SLCO4A1: variants seen among roughly 807,000 people sequenced by gnomAD.
The protein encoded by SLCO4A1 is solute carrier organic anion transporter family member 4A1.
A neutral mutation model predicts 64.6 loss-of-function variants in SLCO4A1; 51 were observed. The ratio of observed to expected loss-of-function variants is 0.79; its 90% CI spans 0.63 to 1.00. The LOEUF is 1.00. Ranked by LOEUF, SLCO4A1 falls within the 50% of genes least tolerant of loss-of-function variation. The probability of loss-of-function intolerance (pLI) is 0.00; values close to 1 mark genes in which losing one functional copy is unlikely to be tolerated. For synonymous variants in SLCO4A1, 471 were observed against 444.9 expected (o/e 1.06, Z -0.74); for missense variants, 919 against 980.5 (o/e 0.94, Z 0.84).
At chr20:62,651,750 CTT>C (rs1453772699) in intron 1 of SLCO4A1, 1 of 152,236 alleles carries the variant, frequency 6.6e-6, no homozygotes, top group Non-Finnish European at 1.5e-5. Flanking sequence ...GGTCACGAAA[CTT>C]AGCAATCTGG....
At chr20:62,647,605 C>T (rs1221827350) in intron 1 of SLCO4A1, among the ~76,000 whole-genome samples, 1 of 152,264 alleles carries the variant, frequency 6.6e-6, no homozygotes, top group African/African-American at 2.4e-5. Flanking sequence ...GGCTGGCAAG[C>T]TTAAAATAGT....
At chr20:62,675,622 T>C (rs549705503), downstream of SLCO4A1, among the ~76,000 whole-genome samples, 23 of 152,312 alleles carry the variant, frequency 1.5e-4, no homozygotes, top group African/African-American at 5.5e-4. Flanking sequence ...TGACCCAGCC[T>C]CTGTGTGACT....
intron 1 of SLCO4A1, among the ~76,000 whole-genome samples, chr20:62,643,532 C>T (rs1980783095): frequency 6.6e-6 from 1 of 152,270 alleles, no homozygotes; most frequent in South Asian, 2.1e-4. Context: ...CCTGGCTATG[C>T]GTCCTGTTTC....
chr20:62,672,214 T>C lies in SLCO4A1; in HGVS notation c.*321T>C, dbSNP rs1055196. 731,277 of 1,274,070 alleles carry C rather than the reference T, an allele frequency of 0.57. 213,823 individuals carry two copies. Among genetic ancestry groups the C allele is most frequent in the African/African-American group, 0.86 (56,742 of 66,184 alleles). 78.9% of individuals were successfully genotyped at this position (1,274,070 alleles called of 1,614,324 possible). On this transcript the variant is annotated 3_prime_UTR_variant, in exon 12 of 12. Coordinates refer to ENST00000217159, the MANE Select transcript of SLCO4A1 (RefSeq NM_016354.4). ...GCTGTGAATCCCACTGGGAGGGCGG[T>C]GGGCCTGCAGCCTGAGGAAGGCTTG...
chr20:62,655,989 G>A (rs1362165987), intron 1 of SLCO4A1, among the ~76,000 whole-genome samples: 10 of 152,310 alleles, frequency 6.6e-5, no homozygotes, highest in Non-Finnish European at 1.2e-4. Flanking sequence ...TGTCTGACTC[G>A]GCCTCTGCGT....
downstream of SLCO4A1, among the ~76,000 whole-genome samples, chr20:62,687,483 C>T (rs16983165): frequency 1.3e-5 from 2 of 152,340 alleles, no homozygotes; most frequent in East Asian, 1.9e-4. Context: ...TGCAGAGACA[C>T]GTCCTTCCAC....
downstream of SLCO4A1, among the ~76,000 whole-genome samples, chr20:62,687,391 G>C (rs532527034): frequency 1.7e-4 from 26 of 152,252 alleles, no homozygotes; most frequent in Non-Finnish European, 3.1e-4. Flanking sequence ...GCCGAGGCCC[G>C]GGGAGGAGCC....
At chr20:62,684,883 G>T (rs1987998484) in intron 2 of SLCO4A1, among the ~76,000 whole-genome samples, 1 of 152,162 alleles carries the variant, frequency 6.6e-6, no homozygotes, top group Non-Finnish European at 1.5e-5. Context: ...TTAGTCTGCA[G>T]CAACGACCCG....
intron 1 of SLCO4A1, among the ~76,000 whole-genome samples, chr20:62,654,690 G>T (rs748489177): frequency 3.3e-5 from 5 of 152,232 alleles, no homozygotes; most frequent in African/African-American, 1.2e-4. Flanking sequence ...GTGATGTTTC[G>T]TGGGCTGAAT....
chr20:62,659,798 C>T (rs1279479040), intron 3 of SLCO4A1, among the ~76,000 whole-genome samples: 3 of 152,240 alleles, frequency 2.0e-5, no homozygotes, highest in South Asian at 2.1e-4. Flanking sequence ...GCCCTCCCGC[C>T]GCTGCCTCAC....
intron 1 of SLCO4A1, among the ~76,000 whole-genome samples, chr20:62,648,566 C>T (rs1601608053): frequency 6.6e-6 from 1 of 152,318 alleles, no homozygotes; most frequent in Admixed American, 6.5e-5. Context: ...CTGGAGCAGC[C>T]GTCAGGAGTA....
chr20:62,647,189 C>T (rs773260446), intron 1 of SLCO4A1, among the ~76,000 whole-genome samples: 4 of 152,238 alleles, frequency 2.6e-5, no homozygotes, highest in Non-Finnish European at 5.9e-5. Flanking sequence ...ATTCATCCAG[C>T]TTGAGGAAGA....
intron 2 of SLCO4A1, 44 bp from the exon 3 acceptor site, chr20:62,658,633 C>T: frequency 6.5e-7 from 1 of 1,529,576 alleles, no homozygotes; most frequent in Non-Finnish European, 8.9e-7. Flanking sequence ...TCCGCAGCCC[C>T]TGGGTGGTGC....
chr20:62,654,093 C>T (rs1483019167), intron 1 of SLCO4A1, among the ~76,000 whole-genome samples: 1 of 152,152 alleles, frequency 6.6e-6, no homozygotes, highest in Admixed American at 6.5e-5. Context: ...AACCCAAAGT[C>T]CACACAGGCT....
rs552485270 is a variant in SLCO4A1, at chr20:62,656,792, C to G, written c.338C>G (p.Ala113Gly). The G allele has an allele frequency of 6.2e-7, 1 of 1,612,920 alleles. No individual in the cohort carries two copies. The highest frequency in any genetic ancestry group is 1.3e-5 in the African/African-American group (1 of 75,062). ...ATCCTGTTCTTCCTGTGTGCGGCCG[C>G]ATTCCTGCAGGGGATGACTGTGAAT... is the stretch of plus-strand genomic sequence containing the variant. ...KGILFFLCAA[A>G]FLQGMTVNGF... The change falls in exon 2 of 12, where the codon GCA (alanine) becomes GGA (glycine). Residue 113 changes from alanine to glycine, a missense_variant. Coordinates refer to ENST00000217159, the MANE Select transcript of SLCO4A1 (RefSeq NM_016354.4).
In SLCO4A1 at chr20:62,685,499, C is replaced by T. The variant is rs1988029777; in HGVS notation, n.270C>T. On this transcript the variant is annotated non_coding_transcript_exon_variant, in exon 3 of 3. Coordinates refer to the SLCO4A1 transcript ENST00000466818. The surrounding 1 kb of genome is among the most constrained non-coding windows in gnomAD (Gnocchi z 4.6). ...CCATCTGAGCCTTACACATAGATCT[C>T]CTTGAATTGGATTTTCACCAAGGCC... 1 of 966,410 alleles carries T rather than the reference C, an allele frequency of 1.0e-6. No homozygotes were observed. Among genetic ancestry groups the T allele is most frequent in the Non-Finnish European group, 1.2e-6 (1 of 812,652 alleles). 59.9% of individuals were successfully genotyped at this position (966,410 alleles called of 1,614,324 possible). A position where few individuals can be genotyped will look rare whatever the true frequency, so the allele number is the denominator to read the frequency against.
chr20:62,652,512 T>C (rs1171806666), intron 1 of SLCO4A1, among the ~76,000 whole-genome samples: 2 of 152,228 alleles, frequency 1.3e-5, no homozygotes, highest in African/African-American at 4.8e-5. Flanking sequence ...TTCGAGTTCT[T>C]GTGTTACACA....
chr20:62,679,153 G>A (rs1357193785), intron 2 of SLCO4A1, among the ~76,000 whole-genome samples: 2 of 151,760 alleles, frequency 1.3e-5, no homozygotes, highest in Non-Finnish European at 2.9e-5. Context: ...GCAGCAAGCC[G>A]AAATCACACC....
downstream of SLCO4A1, among the ~76,000 whole-genome samples, chr20:62,673,964 C>T (rs768988237): frequency 2.6e-5 from 4 of 152,362 alleles, no homozygotes; most frequent in Non-Finnish European, 5.9e-5. Flanking sequence ...AGTCCTTTGC[C>T]GCTCACCTGT....
Sources: allele counts gnomAD v4.1 joint callset (sites outside exome capture counted in the v4.1 genomes callset), GRCh38; gene constraint gnomAD v4.1.1; non-coding constraint Gnocchi (gnomAD v3.1); transcripts MANE v1.5; gene names NCBI Gene and HGNC (gene_info 2026-07-23, HGNC 2026-07-21).